Variants in FRMD5 observed in about 807,000 individuals in gnomAD.
FRMD5 encodes the protein FERM domain-containing protein 5.
In FRMD5, 20 loss-of-function variants were observed where a neutral mutation model predicts 69.0. The ratio of observed to expected loss-of-function variants is 0.29; its 90% CI spans 0.20 to 0.42. The LOEUF (loss-of-function observed/expected upper bound fraction) is 0.42. Ranked by LOEUF, FRMD5 falls within the 10% of genes least tolerant of loss-of-function variation. The pLI is 1.00. For synonymous variants in FRMD5, 271 were observed against 260.1 expected (o/e 1.04, Z -0.40); for missense variants, 595 against 708.6 (o/e 0.84, Z 1.82).
upstream of FRMD5, among the ~76,000 whole-genome samples, chr15:44,196,865 A>G (rs1314323511): frequency 6.6e-6 from 1 of 151,066 alleles, no homozygotes; most frequent in African/African-American, 2.4e-5. Flanking sequence ...GTGGCATTTA[A>G]TAGCCATAGG....
At chr15:44,125,754 C>T (rs765894812) in intron 1 of FRMD5, among the ~76,000 whole-genome samples, 2 of 152,036 alleles carry the variant, frequency 1.3e-5, no homozygotes, top group African/African-American at 2.4e-5. Flanking sequence ...TTTTTATGAC[C>T]TCTTGTGGTA....
At position 43,884,783 on chromosome 15, in the gene FRMD5, T is replaced by C. The variant is rs746323295; in HGVS notation, c.972A>G (p.Ala324=). 1 of 1,614,132 alleles carries C rather than the reference T, an allele frequency of 6.2e-7. No individual in the cohort carries two copies. Among genetic ancestry groups the C allele is most frequent in the South Asian group, 1.1e-5 (1 of 91,078 alleles). ...TAGCACTTGATTCCATGACTTCCTT[T>C]GCAACTCGGCCACTGTAAGTAGTGT... ...GSRFRYSGRV[A]KEVMESSAKI... is the part of the protein sequence containing the mutation. Residue 324 remains alanine (A), a synonymous_variant, in exon 12 of 14, where the codon GCA becomes GCG. Transcript: ENST00000417257.
chr15:44,113,681 T>C (rs2076830029), intron 1 of FRMD5, among the ~76,000 whole-genome samples: 1 of 152,168 alleles, frequency 6.6e-6, no homozygotes, highest in Non-Finnish European at 1.5e-5. Flanking sequence ...TTGTGCCCAT[T>C]AACCATTCCC....
At chr15:44,129,173 C>T (rs1376100508) in intron 1 of FRMD5, among the ~76,000 whole-genome samples, 2 of 152,008 alleles carry the variant, frequency 1.3e-5, no homozygotes, top group African/African-American at 4.8e-5. Context: ...TCTTATGATT[C>T]CCCAATCTAA....
intron 1 of FRMD5, among the ~76,000 whole-genome samples, chr15:43,965,576 C>CTTTTT (rs35986581): frequency 8.2e-5 from 9 of 110,408 alleles, no homozygotes; most frequent in Admixed American, 1.9e-4. Flanking sequence ...TTTAAAAAGT[C>CTTTTT]TTTTTTTTTT....
chr15:44,080,917 C>T (rs1011266458), intron 1 of FRMD5, among the ~76,000 whole-genome samples: 9 of 151,974 alleles, frequency 5.9e-5, no homozygotes, highest in Admixed American at 2.6e-4. Context: ...CAGAGGTTTG[C>T]GACTAGGCCA....
At chr15:43,942,999 T>C (rs754699984) in intron 1 of FRMD5, among the ~76,000 whole-genome samples, 1 of 152,166 alleles carries the variant, frequency 6.6e-6, no homozygotes, top group Non-Finnish European at 1.5e-5. Context: ...CCCAGCACTT[T>C]GGGAGGCCGA....
At chr15:44,111,146 A>G (rs2076790065) in intron 1 of FRMD5, among the ~76,000 whole-genome samples, 1 of 152,198 alleles carries the variant, frequency 6.6e-6, no homozygotes, top group African/African-American at 2.4e-5. Context: ...GTATACATAT[A>G]TATGTAACAT....
intron 13 of FRMD5, among the ~76,000 whole-genome samples, chr15:43,880,469 G>A (rs926438346): frequency 6.6e-6 from 1 of 152,064 alleles, no homozygotes; most frequent in East Asian, 1.9e-4. Flanking sequence ...CTGAACTCTC[G>A]CCTCCTGGAA....
chr15:44,053,765 A>G (rs1892761179), intron 1 of FRMD5, among the ~76,000 whole-genome samples: 1 of 152,220 alleles, frequency 6.6e-6, no homozygotes, highest in Admixed American at 6.5e-5. Flanking sequence ...GGAAAGGCTA[A>G]CAAGATAATT....
chr15:43,954,546 C>A (rs574128636), intron 1 of FRMD5, among the ~76,000 whole-genome samples: 1 of 152,150 alleles, frequency 6.6e-6, no homozygotes, highest in African/African-American at 2.4e-5. Flanking sequence ...CAACACCATC[C>A]CAAAATGTGT....
chr15:43,990,795 T>C (rs1038242916), intron 1 of FRMD5, among the ~76,000 whole-genome samples: 2 of 152,196 alleles, frequency 1.3e-5, no homozygotes, highest in South Asian at 2.1e-4. Context: ...TTTAAGGAAC[T>C]TGATAGATTT....
intron 1 of FRMD5, among the ~76,000 whole-genome samples, chr15:44,051,789 T>G (rs747882655): frequency 1.3e-5 from 2 of 152,180 alleles, no homozygotes; most frequent in African/African-American, 4.8e-5. Context: ...GATGTTTTCC[T>G]CATGATTAAC....
chr15:43,939,459 AC>A (rs1317589645), intron 1 of FRMD5, among the ~76,000 whole-genome samples: 2 of 152,166 alleles, frequency 1.3e-5, no homozygotes, highest in Non-Finnish European at 2.9e-5. Context: ...AAAAAGATGC[AC>A]CATTGACAAG....
At chr15:44,130,689 T>C (rs149857085) in intron 1 of FRMD5, among the ~76,000 whole-genome samples, 1 of 152,258 alleles carries the variant, frequency 6.6e-6, no homozygotes, top group East Asian at 1.9e-4. Context: ...CTGTTTACAG[T>C]TGTATGGAAC....
At chr15:43,988,399 A>G (rs1889502731) in intron 1 of FRMD5, among the ~76,000 whole-genome samples, 2 of 150,394 alleles carry the variant, frequency 1.3e-5, no homozygotes, top group Non-Finnish European at 3.0e-5. Flanking sequence ...TAAGGAAGGT[A>G]TGTGCATTGT....
Position 43,888,304 on chromosome 15 carries a change from T to C in FRMD5, c.793-38A>G, listed in dbSNP as rs756475664. 6.3e-6 allele frequency: 9 copies of C among 1,435,324 alleles called. No homozygotes were observed. The Admixed American group carries it at 1.5e-4, about 24-fold the overall frequency. The allele number at this position is 1,435,324 out of a possible 1,614,324, so 88.9% of individuals were successfully genotyped here. ...CCACATTGATATGGCTGAGTGTGGA[T>C]GGAGAAGCAAAGGGTGAAGTAGGCG... On this transcript the variant is annotated intron_variant, in intron 9 of 13. Transcript: ENST00000417257.
In FRMD5 at chr15:43,997,992, A is replaced by G. The variant is rs150541727; in HGVS notation, c.103-73683T>C. ...TATTTAAGGTATACAACATGATGTT[A>G]TATTATATATAGTAAAATGGTCCTT... On this transcript the variant is annotated intron_variant, in intron 1 of 13. Transcript: ENST00000417257. 3.3e-4 allele frequency among the ~76,000 whole-genome samples: 50 copies of G among 152,320 alleles called. 1 individual carries two copies. Among genetic ancestry groups the G allele is most frequent in the African/African-American group, 1.2e-3 (50 of 41,570 alleles).
intron 1 of FRMD5, among the ~76,000 whole-genome samples, chr15:44,122,312 C>CT (rs2076964258): frequency 6.6e-6 from 1 of 151,864 alleles, no homozygotes; most frequent in East Asian, 1.9e-4. Context: ...ATCTGTAATC[C>CT]AGCACTTTGG....
Sources: gnomAD v4.1 joint callset for allele counts (sites outside exome capture counted in the v4.1 genomes callset) on GRCh38, gnomAD v4.1.1 for gene constraint, MANE v1.5 for transcripts, NCBI Gene and HGNC (gene_info 2026-07-23, HGNC 2026-07-21) for gene names.